RBM43: variants seen among roughly 807,000 people sequenced by gnomAD.
RBM43 encodes the protein RNA binding motif protein 43.
Under a neutral mutation model 12.4 loss-of-function variants are expected in RBM43, and 12 were observed. That is an observed-to-expected ratio of 0.97 (90% CI 0.62 to 1.57). The LOEUF is 1.57. Among genes scored for constraint, RBM43 ranks in the 40% most tolerant of loss-of-function variants. The pLI is 0.00. For synonymous variants in RBM43, 138 were observed against 145.7 expected, an observed-to-expected ratio of 0.95 and a Z score of 0.38; for missense variants, 348 against 400.1, an observed-to-expected ratio of 0.87 and a Z score of 1.11.
chr2:151,255,380 C>T (rs938437363), intron 2 of RBM43, among the ~76,000 whole-genome samples, 153 bp downstream of exon 2: 2 of 151,398 alleles, frequency 1.3e-5, no homozygotes, highest in African/African-American at 2.4e-5. Flanking sequence ...ATCATGCCAC[C>T]GCACTCTAAC....
rs762996403 is a variant in RBM43 at position 151,251,250 on chromosome 2, A to AT, written c.729dup (p.Phe244IlefsTer12). ...ACTTTCTCCTGACTCAGAATGTGGAATTTTTTCAGTGTGCTTTCATAAGAT... is the reference window on the plus strand; with the variant it reads ...ACTTTCTCCTGACTCAGAATGTGGAATTTTTTTCAGTGTGCTTTCATAAGAT... On this transcript the variant is annotated frameshift_variant, in exon 4 of 4. Coordinates refer to ENST00000331426, the MANE Select transcript of RBM43 (RefSeq NM_198557.3). LOFTEE classifies it low-confidence loss of function (END_TRUNC). 7 of 1,613,402 alleles carry AT rather than the reference A, an allele frequency of 4.3e-6. No individual in the cohort carries two copies. Among genetic ancestry groups the AT allele is most frequent in the Non-Finnish European group, 3.4e-6 (4 of 1,179,944 alleles).
In RBM43 at chr2:151,251,408, T is replaced by C; in HGVS notation, c.572A>G (p.Asn191Ser). ...TSEERKWNRQ[N>S]PQRNLQRSNN... is the part of the protein sequence containing the mutation. ...ACTTCTCTGTAGATTCCTCTGGGGA[T>C]TTTGTCTATTCCACTTTCTCTCCTC... is the stretch of plus-strand genomic sequence containing the variant. The change falls in exon 4 of 4, where the codon AAT becomes AGT. Residue 191 changes from asparagine to serine, a missense_variant. Physicochemically the swap from Asn to Ser is conservative, Grantham distance 46 (BLOSUM62 1). Transcript: ENST00000331426. 6.2e-7 allele frequency: 1 copy of C among 1,614,206 alleles called. No individual in the cohort carries two copies. The highest frequency in any genetic ancestry group is 8.5e-7 in the Non-Finnish European group (1 of 1,180,016).
intron 1 of RBM43, among the ~76,000 whole-genome samples, chr2:151,256,115 C>T (rs1682970061): frequency 6.6e-6 from 1 of 152,086 alleles, no homozygotes; most frequent in Non-Finnish European, 1.5e-5. Context: ...GTGCCCACCA[C>T]CACACCCAGC....
At position 151,247,959 on chromosome 2, in the gene RBM43, A is replaced by G. The variant is rs1032311679; in HGVS notation, c.*2947T>C. On this transcript the variant is annotated 3_prime_UTR_variant, in exon 4 of 4. Coordinates refer to ENST00000331426, the MANE Select transcript of RBM43 (RefSeq NM_198557.3). ...TATACATAAAGATATTAAAACTTTT[A>G]TTTTAGAATTTTAGTCATGATATAG... 15 of 152,202 alleles carry G rather than the reference A, an allele frequency of 9.9e-5. No individual in the cohort carries two copies. Among genetic ancestry groups the G allele is most frequent in the African/African-American group, 3.4e-4 (14 of 41,470 alleles). The allele number at this position is 152,202 out of a possible 1,614,324, so 9.4% of individuals were successfully genotyped here.
In RBM43 at chr2:151,255,707, C is replaced by T; in HGVS notation, c.40G>A (p.Glu14Lys). 6.2e-7 allele frequency: 1 copy of T among 1,613,916 alleles called. No homozygotes were observed. The highest frequency in any genetic ancestry group is 8.5e-7 in the Non-Finnish European group (1 of 1,179,952). ...AGACCAGCAACTACAACCGTTCTTT[C>T]AGGAGCTTTGGATTCCTTGACATTC... is the stretch of plus-strand genomic sequence containing the variant. ...VLNVKESKAP[E>K]RTVVVAGLPV... The change falls in exon 2 of 4, where the codon GAA becomes AAA. Residue 14 changes from glutamate to lysine, a missense_variant. Coordinates refer to ENST00000331426, the MANE Select transcript of RBM43 (RefSeq NM_198557.3).
intron 2 of RBM43, among the ~76,000 whole-genome samples, chr2:151,255,112 A>AT (rs145595195): frequency 2.0e-5 from 3 of 151,706 alleles, no homozygotes; most frequent in Non-Finnish European, 2.9e-5. Flanking sequence ...ACAATAAAAT[A>AT]TTTTTTTTTA....
Position 151,261,802 on chromosome 2 carries a change from C to G in RBM43, c.-75G>C. 1.3e-6 allele frequency: 2 copies of G among 1,536,670 alleles called. No individual in the cohort carries two copies. The highest frequency in any genetic ancestry group is 1.8e-6 in the Non-Finnish European group (2 of 1,136,490). ...GGAACGCAGGCGATGGGGAGAGGAG[C>G]GAGCAGGCAGGTTTTGGTTTCGTTT... is the stretch of plus-strand genomic sequence containing the variant. On this transcript the variant is annotated 5_prime_UTR_variant, in exon 1 of 4. Transcript: ENST00000331426.
At chr2:151,260,651 G>T (rs1238547723) in intron 1 of RBM43, among the ~76,000 whole-genome samples, 1 of 152,192 alleles carries the variant, frequency 6.6e-6, no homozygotes, top group East Asian at 1.9e-4. Context: ...GTACTTCAAT[G>T]ACTTGCCAAT....
At chr2:151,251,778 C>T in intron 3 of RBM43, 114 bp from the exon 4 acceptor site, 1 of 1,012,822 alleles carries the variant, frequency 9.9e-7, no homozygotes, top group Non-Finnish European at 1.4e-6. Context: ...AACCAGGCCC[C>T]AGTTGCCTGC....
chr2:151,256,963 A>C (rs1351356917), intron 1 of RBM43, among the ~76,000 whole-genome samples: 2 of 152,224 alleles, frequency 1.3e-5, no homozygotes, highest in Non-Finnish European at 2.9e-5. Context: ...TGCTGGGCAC[A>C]GAGTATCAAC....
intron 1 of RBM43, 124 bp from the exon 2 acceptor site, chr2:151,255,867 T>C (rs958110125): frequency 2.3e-5 from 16 of 690,030 alleles, no homozygotes; most frequent in Non-Finnish European, 3.5e-5. Context: ...GTTAGATACT[T>C]TTTAAAAGGG....
intron 1 of RBM43, among the ~76,000 whole-genome samples, chr2:151,257,193 A>T (rs1682985815): frequency 6.6e-6 from 1 of 152,182 alleles, no homozygotes; most frequent in African/African-American, 2.4e-5. Flanking sequence ...TGGTTAGCAG[A>T]CCTGAAAGGA....
chr2:151,252,890 G>T (rs1344305632), intron 2 of RBM43, 35 bp from the exon 3 acceptor site: 6 of 982,682 alleles, frequency 6.1e-6, no homozygotes, highest in Non-Finnish European at 9.5e-6. Flanking sequence ...AGTGTTTATG[G>T]CATGATACAC....
intron 1 of RBM43, among the ~76,000 whole-genome samples, chr2:151,257,652 C>G (rs555328875): frequency 6.6e-6 from 1 of 151,884 alleles, no homozygotes; most frequent in South Asian, 2.1e-4. Flanking sequence ...GAGATCGCCC[C>G]ATTTCACTCC....
chr2:151,251,237 C>T lies in RBM43; in HGVS notation c.743G>A (p.Ser248Asn). ...ESTLKKFHIL[S>N]QEKVDGEITT... is the part of the protein sequence containing the mutation. ...GATTTCACCATCCACTTTCTCCTGA[C>T]TCAGAATGTGGAATTTTTTCAGTGT... Residue 248 changes from serine (S) to asparagine (N), a missense_variant, in exon 4 of 4, where the codon AGT (serine) becomes AAT (asparagine). By Grantham distance (46) the Ser-to-Asn change is conservative. Coordinates refer to ENST00000331426, the MANE Select transcript of RBM43 (RefSeq NM_198557.3). 1.2e-6 allele frequency: 2 copies of T among 1,613,790 alleles called. No homozygotes were observed. Among genetic ancestry groups the T allele is most frequent in the Non-Finnish European group, 1.7e-6 (2 of 1,179,996 alleles).
At chr2:151,257,060 C>A (rs1279632652) in intron 1 of RBM43, among the ~76,000 whole-genome samples, 1 of 152,182 alleles carries the variant, frequency 6.6e-6, no homozygotes, top group Non-Finnish European at 1.5e-5. Flanking sequence ...ATTTGTCCCT[C>A]AGCCTCATTT....
At chr2:151,259,624 G>A (rs1014273425) in intron 1 of RBM43, among the ~76,000 whole-genome samples, 1 of 152,008 alleles carries the variant, frequency 6.6e-6, no homozygotes, top group Non-Finnish European at 1.5e-5. Context: ...GGGTGACAGA[G>A]TGAGACTCTG....
intron 1 of RBM43, among the ~76,000 whole-genome samples, chr2:151,259,073 G>A (rs1474198723): frequency 6.6e-6 from 1 of 151,648 alleles, no homozygotes; most frequent in East Asian, 1.9e-4. Context: ...AACCTGGGAG[G>A]TAGAGGTTAT....
intron 1 of RBM43, chr2:151,261,303 T>TG (rs907063297): frequency 6.4e-7 from 1 of 1,550,516 alleles, no homozygotes; most frequent in African/African-American, 1.4e-5. Flanking sequence ...CCTCCATTTC[T>TG]GGCTAATCAG....
Sources: allele counts gnomAD v4.1 joint callset (sites outside exome capture counted in the v4.1 genomes callset), GRCh38; gene constraint gnomAD v4.1.1; transcripts MANE v1.5; gene names NCBI Gene and HGNC (gene_info 2026-07-23, HGNC 2026-07-21).